Variants in NR6A1 observed in about 807,000 individuals in gnomAD.
NR6A1 encodes nuclear receptor subfamily 6 group A member 1, also known as retinoic acid receptor-related testis-associated receptor.
In NR6A1, 7 loss-of-function variants were observed where a neutral mutation model predicts 59.1. That is an observed-to-expected ratio of 0.12 (90% CI 0.07 to 0.22). NR6A1 has a LOEUF of 0.22. Ranked by LOEUF, NR6A1 falls within the 10% of genes least tolerant of loss-of-function variation. NR6A1 has a pLI of 1.00. For synonymous variants in NR6A1, 243 were observed against 236.1 expected (o/e 1.03, Z -0.27); for missense variants, 468 against 611.6 (o/e 0.77, Z 2.48).
At chr9:124,653,701 C>T (rs1163559368) in intron 2 of NR6A1, among the ~76,000 whole-genome samples, 1 of 152,156 alleles carries the variant, frequency 6.6e-6, no homozygotes, top group African/African-American at 2.4e-5. Flanking sequence ...AGCCAAGGCC[C>T]CTGGCCTATA....
intron 2 of NR6A1, among the ~76,000 whole-genome samples, chr9:124,600,977 G>A (rs1486683700): frequency 1.3e-5 from 2 of 150,418 alleles, no homozygotes; most frequent in Non-Finnish European, 3.0e-5. Context: ...ACTACAGAGT[G>A]TGCTTTAAGA....
chr9:124,563,887 G>A (rs117821280), intron 2 of NR6A1, among the ~76,000 whole-genome samples: 1 of 152,220 alleles, frequency 6.6e-6, no homozygotes, highest in Non-Finnish European at 1.5e-5. Context: ...ACCAGCCTGG[G>A]TAACATAGCA....
intron 2 of NR6A1, among the ~76,000 whole-genome samples, chr9:124,624,397 G>T (rs76541022): frequency 6.6e-6 from 1 of 152,114 alleles, no homozygotes; most frequent in African/African-American, 2.4e-5. Flanking sequence ...GTCAATTTTC[G>T]AATACTAAGC....
At chr9:124,596,869 TAAG>T (rs1835286429) in intron 2 of NR6A1, among the ~76,000 whole-genome samples, 2 of 152,238 alleles carry the variant, frequency 1.3e-5, no homozygotes, top group South Asian at 4.1e-4. Flanking sequence ...CAAGCTCCAC[TAAG>T]AAGGTGGAAT....
At chr9:124,557,959 C>CTTTA (rs939457455) in intron 2 of NR6A1, among the ~76,000 whole-genome samples, 1 of 152,222 alleles carries the variant, frequency 6.6e-6, no homozygotes, top group Non-Finnish European at 1.5e-5. Flanking sequence ...ACTAGGTAGG[C>CTTTA]TTTACTTCAC....
chr9:124,602,999 C>A (rs1349503016), intron 2 of NR6A1, among the ~76,000 whole-genome samples: 6 of 152,192 alleles, frequency 3.9e-5, no homozygotes, highest in Non-Finnish European at 8.8e-5. Flanking sequence ...AGTTTCCACT[C>A]CCACTTACTA....
Position 124,519,238 on chromosome 9 carries a change from G to A in NR6A1, c.*3467C>T, listed in dbSNP as rs942300566. The A allele has an allele frequency of 3.9e-5, 6 of 152,202 alleles. No homozygotes were observed. The highest frequency in any genetic ancestry group is 1.4e-4 in the African/African-American group (6 of 41,440). The allele number at this position is 152,202 out of a possible 1,614,324, so 9.4% of individuals were successfully genotyped here. ...AAACCCTTAGGATTCCCCATTCCTT[G>A]CTCTGGTTCTGGGAAACAGGACAGG... On this transcript the variant is annotated 3_prime_UTR_variant, in exon 10 of 10. Transcript: ENST00000487099.
chr9:124,711,474 A>G (rs574739943), intron 2 of NR6A1, among the ~76,000 whole-genome samples: 12 of 150,914 alleles, frequency 8.0e-5, no homozygotes, highest in Non-Finnish European at 1.6e-4. Flanking sequence ...ATTCACAAAC[A>G]CTCCTTTATC....
In NR6A1 at chr9:124,521,054, G is replaced by C. The variant is rs541813721; in HGVS notation, c.*1651C>G. ...TAGCTTTACTAGGTTGAGTTGAGGA[G>C]ACAGCAAACAGCCTTTGACTAAATA... On this transcript the variant is annotated 3_prime_UTR_variant, in exon 10 of 10. Transcript: ENST00000487099. 1 of 152,378 alleles carries C rather than the reference G, an allele frequency of 6.6e-6. No homozygotes were observed. Among genetic ancestry groups the C allele is most frequent in the East Asian group, 1.9e-4 (1 of 5,192 alleles). 9.4% of individuals were successfully genotyped at this position (152,378 alleles called of 1,614,324 possible).
At chr9:124,730,072 C>T (rs1564257423) in intron 2 of NR6A1, among the ~76,000 whole-genome samples, 1 of 152,146 alleles carries the variant, frequency 6.6e-6, no homozygotes, top group Non-Finnish European at 1.5e-5. Flanking sequence ...CTCAGCCTCC[C>T]GAAGTGCTGG....
intron 2 of NR6A1, among the ~76,000 whole-genome samples, chr9:124,586,449 T>A (rs1834937569): frequency 6.6e-6 from 1 of 151,986 alleles, no homozygotes; most frequent in African/African-American, 2.4e-5. Context: ...ATGATAATTT[T>A]TTTTTTTTTT....
At chr9:124,675,227 G>A (rs1333775701) in intron 2 of NR6A1, among the ~76,000 whole-genome samples, 1 of 152,196 alleles carries the variant, frequency 6.6e-6, no homozygotes, top group East Asian at 1.9e-4. Context: ...CCTGTGGACT[G>A]GCTTATGTTG....
chr9:124,635,365 T>C (rs1836576208), intron 2 of NR6A1, among the ~76,000 whole-genome samples: 1 of 152,206 alleles, frequency 6.6e-6, no homozygotes, highest in Non-Finnish European at 1.5e-5. Context: ...ATCATGGTGT[T>C]GGTTTTCCCC....
intron 2 of NR6A1, among the ~76,000 whole-genome samples, chr9:124,684,942 T>C (rs1838282964): frequency 1.3e-5 from 2 of 152,144 alleles, no homozygotes; most frequent in Non-Finnish European, 1.5e-5. Flanking sequence ...AGATTTTGAC[T>C]TGAAGGCTAT....
At chr9:124,582,256 A>C (rs1381574292) in intron 2 of NR6A1, among the ~76,000 whole-genome samples, 5 of 152,174 alleles carry the variant, frequency 3.3e-5, no homozygotes, top group African/African-American at 1.2e-4. Context: ...AAAAAGAACA[A>C]GATCTGCAAG....
chr9:124,596,740 C>T (rs1403215752), intron 2 of NR6A1, among the ~76,000 whole-genome samples: 1 of 152,174 alleles, frequency 6.6e-6, no homozygotes, highest in Non-Finnish European at 1.5e-5. Flanking sequence ...CGAGTGTGCA[C>T]ATACACACTC....
chr9:124,600,486 T>C (rs1296829947), intron 2 of NR6A1, among the ~76,000 whole-genome samples: 3 of 152,304 alleles, frequency 2.0e-5, no homozygotes, highest in East Asian at 3.9e-4. Context: ...AAATAAAATA[T>C]TCCAGAAACC....
At chr9:124,720,566 C>A (rs754022408) in intron 2 of NR6A1, among the ~76,000 whole-genome samples, 1 of 152,184 alleles carries the variant, frequency 6.6e-6, no homozygotes, top group Non-Finnish European at 1.5e-5. Flanking sequence ...TTTTGGTTCA[C>A]AATGACTGTC....
At chr9:124,640,762 A>G (rs573107298) in intron 2 of NR6A1, among the ~76,000 whole-genome samples, 1 of 152,032 alleles carries the variant, frequency 6.6e-6, no homozygotes, top group East Asian at 1.9e-4. Flanking sequence ...AAGCAGGATT[A>G]CAGGCATGCA....
Sources: gnomAD v4.1 joint callset for allele counts (sites outside exome capture counted in the v4.1 genomes callset) on GRCh38, gnomAD v4.1.1 for gene constraint, MANE v1.5 for transcripts, NCBI Gene and HGNC (gene_info 2026-07-23, HGNC 2026-07-21) for gene names.